Variants in XRCC4 observed in about 807,000 individuals in gnomAD.
The protein encoded by XRCC4 is X-ray repair cross complementing 4.
In XRCC4, 28 loss-of-function variants were observed where a neutral mutation model predicts 39.1. The ratio of observed to expected loss-of-function variants is 0.72; its 90% confidence interval spans 0.53 to 0.98. The LOEUF is 0.98. Among genes scored for constraint, XRCC4 ranks in the 50% least tolerant of loss-of-function variants. The pLI, the probability that XRCC4 is intolerant of heterozygous loss-of-function variation, is 0.00. For synonymous variants in XRCC4, 123 were observed against 126.4 expected (o/e 0.97, Z 0.18); for missense variants, 350 against 376.4 (o/e 0.93, Z 0.58).
intron 3 of XRCC4, among the ~76,000 whole-genome samples, chr5:83,112,174 A>G (rs1405615747): frequency 6.6e-6 from 1 of 152,180 alleles, no homozygotes; most frequent in African/African-American, 2.4e-5. Flanking sequence ...GCCAATTTAT[A>G]TAAGTTTCAA....
At chr5:83,352,491 T>G (rs1431228275) in intron 7 of XRCC4, among the ~76,000 whole-genome samples, 1 of 152,154 alleles carries the variant, frequency 6.6e-6, no homozygotes, top group East Asian at 1.9e-4. Flanking sequence ...TATCTTAGGA[T>G]TCAAAGAAAA....
chr5:83,259,040 T>C (rs771497387), intron 7 of XRCC4: 48 of 190,248 alleles, frequency 2.5e-4, no homozygotes, highest in Non-Finnish European at 4.7e-4. Flanking sequence ...GCCATTTAAT[T>C]TGGTTATGCT....
rs79270083 is a variant in XRCC4, at chr5:83,126,790, A to G, written c.315+15587A>G. On this transcript the variant is annotated intron_variant, in intron 3 of 7. Transcript: ENST00000396027. ...GTGCCAGCAAAGCCATGGGGGCAGG[A>G]ATGTCCAAATCTTAGAGACTCAATC... Among the ~76,000 whole-genome samples the G allele has an allele frequency of 9.6e-3, 1,460 of 152,274 alleles. 21 individuals carry two copies. The highest frequency in any genetic ancestry group is 0.033 in the African/African-American group (1,353 of 41,554).
chr5:83,140,768 A>C (rs556826317), intron 3 of XRCC4, among the ~76,000 whole-genome samples: 2 of 152,014 alleles, frequency 1.3e-5, no homozygotes, highest in Non-Finnish European at 2.9e-5. Context: ...CTGTTTCTCA[A>C]TTTCATTTTG....
At chr5:83,196,997 C>T (rs965720985) in intron 4 of XRCC4, among the ~76,000 whole-genome samples, 5 of 151,448 alleles carry the variant, frequency 3.3e-5, no homozygotes, top group Non-Finnish European at 7.4e-5. Context: ...TTAACTAATG[C>T]AAAACATGTA....
chr5:83,360,833 T>C, the XRCC4 span, among the ~76,000 whole-genome samples: 1 of 151,624 alleles, frequency 6.6e-6, no homozygotes, highest in Admixed American at 6.6e-5. Flanking sequence ...CCATGAGTAA[T>C]GCTTGCTACC....
intron 2 of XRCC4, among the ~76,000 whole-genome samples, chr5:83,110,220 T>G (rs1157562364): frequency 6.6e-6 from 1 of 151,832 alleles, no homozygotes; most frequent in African/African-American, 2.4e-5. Context: ...AAACAAGAAT[T>G]TTTCCACAGA....
intron 7 of XRCC4, among the ~76,000 whole-genome samples, chr5:83,272,724 A>T (rs550873472): frequency 1.1e-4 from 17 of 152,178 alleles, no homozygotes; most frequent in African/African-American, 3.9e-4. Context: ...ATAGTGTCCA[A>T]CTTCATCCAT....
rs78376630 is a variant in XRCC4, at chr5:83,314,112, T to C, written c.894-39019T>C. Among the ~76,000 whole-genome samples, 21 of 152,206 alleles carry C rather than the reference T, an allele frequency of 1.4e-4. No homozygotes were observed. The East Asian group carries it at 3.9e-3, about 28-fold the overall frequency. ...CTCAGATATATCCTAGCACTATAGA[T>C]TTTTCCTTTAATAAATGTTACTTCA... is the stretch of plus-strand genomic sequence containing the variant. On this transcript the variant is annotated intron_variant, in intron 7 of 7. Coordinates refer to ENST00000396027, the MANE Select transcript of XRCC4 (RefSeq NM_003401.5).
At position 83,289,579 on chromosome 5, in the gene XRCC4, A is replaced by G. The variant is rs548050606; in HGVS notation, c.893+30902A>G. 7.9e-5 allele frequency among the ~76,000 whole-genome samples: 12 copies of G among 151,978 alleles called. No homozygotes were observed. In the South Asian group the frequency reaches 2.5e-3, roughly 31 times the overall value. Reference sequence around the variant, plus strand: ...CTTTCAACTGCAGTCCACTGTTATAATACTGGAGTCCTGTTGGTGTGGTGG... The same window carrying G: ...CTTTCAACTGCAGTCCACTGTTATAGTACTGGAGTCCTGTTGGTGTGGTGG... On this transcript the variant is annotated intron_variant, in intron 7 of 7. Coordinates refer to ENST00000396027, the MANE Select transcript of XRCC4 (RefSeq NM_003401.5).
intron 3 of XRCC4, among the ~76,000 whole-genome samples, chr5:83,180,486 T>G (rs1750157004): frequency 6.6e-6 from 1 of 152,162 alleles, no homozygotes; most frequent in South Asian, 2.1e-4. Context: ...CCCCAAACTC[T>G]GTATCTACAG....
At chr5:83,326,874 TA>T (rs1344320296) in intron 7 of XRCC4, among the ~76,000 whole-genome samples, 1 of 152,054 alleles carries the variant, frequency 6.6e-6, no homozygotes, top group Non-Finnish European at 1.5e-5. Flanking sequence ...AAGGAATTCT[TA>T]TTGCTGTTCC....
intron 3 of XRCC4, among the ~76,000 whole-genome samples, chr5:83,124,043 A>G (rs1195178611): frequency 6.6e-6 from 1 of 152,176 alleles, no homozygotes; most frequent in Non-Finnish European, 1.5e-5. Context: ...TACATTATTG[A>G]AAGCAGGAAA....
intron 7 of XRCC4, among the ~76,000 whole-genome samples, chr5:83,267,330 C>A (rs1753991179): frequency 6.6e-6 from 1 of 152,124 alleles, no homozygotes; most frequent in African/African-American, 2.4e-5. Context: ...TCCACAGCAT[C>A]CCCTTATTTC....
At chr5:83,330,777 A>G (rs900267701) in intron 7 of XRCC4, among the ~76,000 whole-genome samples, 3 of 152,070 alleles carry the variant, frequency 2.0e-5, no homozygotes, top group Non-Finnish European at 2.9e-5. Flanking sequence ...GAAATCATTG[A>G]GGAGCAATTT....
chr5:83,308,054 A>G (rs1755549599), intron 7 of XRCC4, among the ~76,000 whole-genome samples: 1 of 152,196 alleles, frequency 6.6e-6, no homozygotes, highest in African/African-American at 2.4e-5. Flanking sequence ...TGTATTTTGG[A>G]GGACCAAGAA....
the XRCC4 span, among the ~76,000 whole-genome samples, chr5:83,363,891 G>A: frequency 6.6e-6 from 1 of 152,062 alleles, no homozygotes; most frequent in Non-Finnish European, 1.5e-5. Context: ...TCATTAATTC[G>A]CTTCTCTTTG....
At position 83,314,913 on chromosome 5, in the gene XRCC4, C is replaced by G. The variant is rs1755827415; in HGVS notation, c.894-38218C>G. ...CCAGTTAATACCCCTACAATGGCCT[C>G]TAAGTGTTCAGATGAAAGGAAGAGT... On this transcript the variant is annotated intron_variant, in intron 7 of 7. Transcript: ENST00000396027. 1.3e-5 allele frequency among the ~76,000 whole-genome samples: 2 copies of G among 152,190 alleles called. 1 individual carries two copies. The highest frequency in any genetic ancestry group is 4.1e-4 in the South Asian group (2 of 4,826).
chr5:83,188,245 C>A (rs571000608), intron 3 of XRCC4, among the ~76,000 whole-genome samples: 2 of 152,122 alleles, frequency 1.3e-5, no homozygotes, highest in African/African-American at 4.8e-5. Flanking sequence ...GAAGGATCTG[C>A]CTTCAAGCTC....
Sources: allele counts gnomAD v4.1 joint callset (sites outside exome capture counted in the v4.1 genomes callset), GRCh38; gene constraint gnomAD v4.1.1; transcripts MANE v1.5; gene names NCBI Gene and HGNC (gene_info 2026-07-23, HGNC 2026-07-21).